The following ANKS1B variants were observed in gnomAD, a reference collection of about 807,000 sequenced individuals.
ANKS1B encodes the protein ankyrin repeat and sterile alpha motif domain containing 1B, also known as ankyrin repeat and sterile alpha motif domain-containing protein 1B.
Under a neutral mutation model 148.3 loss-of-function variants are expected in ANKS1B, and 36 were observed. The observed-to-expected ratio is 0.24, with a 90% CI of 0.19 to 0.32. The LOEUF (loss-of-function observed/expected upper bound fraction) is 0.32. ANKS1B is among the 10% of genes least tolerant of loss of function. ANKS1B has a pLI of 1.00. For synonymous variants in ANKS1B, 542 were observed against 560.8 expected (o/e 0.97, Z 0.47); for missense variants, 1,157 against 1,542.6 (o/e 0.75, Z 4.19).
At chr12:99,226,292 A>T (rs2153944819) in intron 14 of ANKS1B, among the ~76,000 whole-genome samples, 1 of 152,312 alleles carries the variant, frequency 6.6e-6, no homozygotes, top group South Asian at 2.1e-4. Flanking sequence ...GTTTGACATC[A>T]CTATCACAAC....
intron 22 of ANKS1B, among the ~76,000 whole-genome samples, chr12:98,793,727 G>T (rs2098916212): frequency 6.6e-6 from 1 of 152,166 alleles, no homozygotes; most frequent in Non-Finnish European, 1.5e-5. Flanking sequence ...TCAACTATGG[G>T]ATTAGAGAAC....
chr12:99,548,291 T>G (rs1224928803), intron 9 of ANKS1B, among the ~76,000 whole-genome samples: 3 of 152,184 alleles, frequency 2.0e-5, no homozygotes. Flanking sequence ...AATATCAGAT[T>G]CAAATTTCTT....
intron 14 of ANKS1B, among the ~76,000 whole-genome samples, chr12:99,207,309 C>T (rs2153905164): frequency 6.6e-6 from 1 of 152,200 alleles, no homozygotes; most frequent in Non-Finnish European, 1.5e-5. Context: ...AAGTTTATAG[C>T]TGAACTTGTC....
chr12:99,789,625 A>G (rs998496502), intron 4 of ANKS1B, among the ~76,000 whole-genome samples: 7 of 151,590 alleles, frequency 4.6e-5, no homozygotes, highest in Non-Finnish European at 8.8e-5. Context: ...AATTAAAAAG[A>G]ATCAAGCAAA....
chr12:99,416,282 T>G (rs2094907128), intron 11 of ANKS1B, among the ~76,000 whole-genome samples: 1 of 152,234 alleles, frequency 6.6e-6, no homozygotes, highest in Admixed American at 6.5e-5. Context: ...TGTTTCCAGT[T>G]TTTAGCTGTT....
At chr12:99,558,463 G>A (rs1823881620) in intron 9 of ANKS1B, among the ~76,000 whole-genome samples, 2 of 152,268 alleles carry the variant, frequency 1.3e-5, no homozygotes, top group South Asian at 2.1e-4. Flanking sequence ...GTCAAGGGGG[G>A]AGGGGAGGTA....
intron 22 of ANKS1B, among the ~76,000 whole-genome samples, chr12:98,794,065 T>C (rs2098921149): frequency 6.6e-6 from 1 of 152,184 alleles, no homozygotes; most frequent in African/African-American, 2.4e-5. Context: ...TATGGCTTTG[T>C]AAAATCCAGT....
chr12:99,606,941 T>C (rs1435281172), intron 9 of ANKS1B, among the ~76,000 whole-genome samples: 1 of 152,044 alleles, frequency 6.6e-6, no homozygotes, highest in Non-Finnish European at 1.5e-5. Context: ...ACCCCAGCCA[T>C]CCTGGGTCCT....
chr12:99,054,473 T>C (rs1415732395), intron 16 of ANKS1B, among the ~76,000 whole-genome samples: 1 of 152,174 alleles, frequency 6.6e-6, no homozygotes, highest in East Asian at 1.9e-4. Flanking sequence ...TTAAAGTTAC[T>C]TTTTCTCTTT....
chr12:98,997,609 T>C (rs1369866225), intron 17 of ANKS1B, among the ~76,000 whole-genome samples: 1 of 152,136 alleles, frequency 6.6e-6, no homozygotes, highest in East Asian at 1.9e-4. Flanking sequence ...GCCAGGATGG[T>C]CTCGATCTCT....
intron 12 of ANKS1B, among the ~76,000 whole-genome samples, chr12:99,306,371 T>C (rs2082339989): frequency 6.6e-6 from 1 of 152,054 alleles, no homozygotes; most frequent in Non-Finnish European, 1.5e-5. Context: ...AAGACTTTAC[T>C]AGGCAGGTTT....
intron 14 of ANKS1B, among the ~76,000 whole-genome samples, chr12:99,184,105 A>G (rs2079483092): frequency 6.6e-6 from 1 of 152,246 alleles, no homozygotes; most frequent in African/African-American, 2.4e-5. Flanking sequence ...TCATTAAACA[A>G]GCACTCAGTT....
chr12:99,634,651 A>G (rs2098214584), intron 9 of ANKS1B, among the ~76,000 whole-genome samples: 1 of 152,190 alleles, frequency 6.6e-6, no homozygotes, highest in Non-Finnish European at 1.5e-5. Flanking sequence ...CAACAGGTAA[A>G]ATCTAAAACT....
chr12:99,543,452 C>T (rs1338688475), intron 9 of ANKS1B, among the ~76,000 whole-genome samples: 1 of 152,004 alleles, frequency 6.6e-6, no homozygotes, highest in Non-Finnish European at 1.5e-5. Flanking sequence ...CCATATGACT[C>T]CAATATTCTA....
intron 1 of ANKS1B, among the ~76,000 whole-genome samples, chr12:99,906,064 A>T (rs2093768568): frequency 6.6e-6 from 1 of 152,206 alleles, no homozygotes; most frequent in Non-Finnish European, 1.5e-5. Flanking sequence ...GCGGTTTCAA[A>T]CACTACTGTT....
chr12:99,480,677 A>G (rs1018924626), intron 10 of ANKS1B, among the ~76,000 whole-genome samples: 3 of 151,880 alleles, frequency 2.0e-5, no homozygotes, highest in African/African-American at 7.2e-5. Flanking sequence ...GCAATTAAAC[A>G]TGTTCTTAAT....
intron 8 of ANKS1B, among the ~76,000 whole-genome samples, chr12:99,715,354 T>A (rs1217451806): frequency 6.6e-6 from 1 of 152,096 alleles, no homozygotes; most frequent in African/African-American, 2.4e-5. Flanking sequence ...TCCTGGCTCA[T>A]CCTGACTCAA....
chr12:99,714,269 C>A (rs981471125), intron 8 of ANKS1B, among the ~76,000 whole-genome samples: 1 of 152,014 alleles, frequency 6.6e-6, no homozygotes, highest in African/African-American at 2.4e-5. Context: ...TCATAAGAAC[C>A]CTTGTGATTT....
At chr12:99,489,351 GT>G (rs1197738047) in intron 10 of ANKS1B, among the ~76,000 whole-genome samples, 13 of 151,756 alleles carry the variant, frequency 8.6e-5, no homozygotes, top group Non-Finnish European at 1.3e-4. Context: ...TATTAAATTA[GT>G]TGCTGCAATA....
Sources: allele counts gnomAD v4.1 joint callset (sites outside exome capture counted in the v4.1 genomes callset), GRCh38; gene constraint gnomAD v4.1.1; transcripts MANE v1.5; gene names NCBI Gene and HGNC (gene_info 2026-07-23, HGNC 2026-07-21).